Variants in NFAM1 observed in about 807,000 individuals in gnomAD.
The protein encoded by NFAM1 is NFAT activating protein with ITAM motif 1.
In NFAM1, 17 loss-of-function variants were observed where a neutral mutation model predicts 29.0. The observed-to-expected ratio is 0.59, with a 90% confidence interval of 0.40 to 0.88. The LOEUF is 0.88. Among genes scored for constraint, NFAM1 ranks in the 40% least tolerant of loss-of-function variants. The pLI is 0.00. For synonymous variants in NFAM1, 175 were observed against 147.2 expected (o/e 1.19, Z -1.36); for missense variants, 324 against 344.6 (o/e 0.94, Z 0.47).
intron 1 of NFAM1, among the ~76,000 whole-genome samples, chr22:42,416,539 C>T (rs1365127858): frequency 6.6e-6 from 1 of 152,174 alleles, no homozygotes; most frequent in Non-Finnish European, 1.5e-5. Flanking sequence ...CACAAATTTT[C>T]ACCACCAGAT....
chr22:42,426,969 G>A (rs1293828728), intron 1 of NFAM1, among the ~76,000 whole-genome samples: 1 of 152,128 alleles, frequency 6.6e-6, no homozygotes, highest in African/African-American at 2.4e-5. Flanking sequence ...GGAGGATGCT[G>A]AGCACCCAGG....
In NFAM1 at chr22:42,397,936, C is replaced by T. The variant is rs1425331434; in HGVS notation, c.585G>A (p.Gly195=). ...CTGGGCACTTCCTGGTGGGGTCCTT[C>T]CCTGGACCCCGCATCCGCTTCTGTA... ...LWNKKRMRGP[G]KDPTRKCPDP... Residue 195 remains glycine, a synonymous_variant, in exon 4 of 6, where the codon GGG becomes GGA. Transcript: ENST00000329021. The T allele has an allele frequency of 6.2e-7, 1 of 1,601,212 alleles. No individual in the cohort carries two copies. Among genetic ancestry groups the T allele is most frequent in the East Asian group, 2.2e-5 (1 of 44,720 alleles).
In NFAM1 at chr22:42,419,219, T is replaced by C. The variant is rs1930355427; in HGVS notation, c.122-7483A>G. Among the ~76,000 whole-genome samples the C allele has an allele frequency of 1.3e-5, 2 of 151,680 alleles. No individual in the cohort carries two copies. The highest frequency in any genetic ancestry group is 6.6e-5 in the Admixed American group (1 of 15,212). On this transcript the variant is annotated intron_variant, in intron 1 of 5. Transcript: ENST00000329021. The surrounding 1 kb of genome is among the most constrained non-coding windows in gnomAD (Gnocchi z 4.5). ...ACCACCTGCACAACGCCCCCATCCC[T>C]CCAACTCAACAGCTCCCATCCAGTC...
chr22:42,435,373 A>T (rs1415845240), upstream of NFAM1, among the ~76,000 whole-genome samples: 1 of 142,062 alleles, frequency 7.0e-6, no homozygotes. Context: ...TTGAGACAGA[A>T]TTTTTCTCTT....
intron 3 of NFAM1, among the ~76,000 whole-genome samples, chr22:42,404,740 A>G (rs905784858): frequency 4.0e-5 from 6 of 151,808 alleles, no homozygotes; most frequent in African/African-American, 1.5e-4. Flanking sequence ...CTGTAATCCC[A>G]GCTACTTGGG....
chr22:42,405,336 C>A (rs945118242), intron 3 of NFAM1, among the ~76,000 whole-genome samples: 1 of 152,180 alleles, frequency 6.6e-6, no homozygotes, highest in Non-Finnish European at 1.5e-5. Context: ...CTCCTGTAAG[C>A]CTGGGTGGGG....
chr22:42,428,182 C>T (rs1190370392), intron 1 of NFAM1, among the ~76,000 whole-genome samples: 1 of 152,200 alleles, frequency 6.6e-6, no homozygotes, highest in African/African-American at 2.4e-5. Flanking sequence ...TGAGCCTCTC[C>T]CGGCCCTCCT....
At chr22:42,423,936 T>C (rs1930530939) in intron 1 of NFAM1, among the ~76,000 whole-genome samples, 1 of 151,908 alleles carries the variant, frequency 6.6e-6, no homozygotes, top group Non-Finnish European at 1.5e-5. Context: ...GCCAGGCTGG[T>C]CTTGAACTCC....
upstream of NFAM1, among the ~76,000 whole-genome samples, chr22:42,433,706 T>C (rs1281550595): frequency 6.6e-6 from 1 of 152,104 alleles, no homozygotes; most frequent in Non-Finnish European, 1.5e-5. Context: ...GGAAGACATA[T>C]GAACAGGAGA....
At chr22:42,407,396 C>T (rs779476800) in intron 3 of NFAM1, among the ~76,000 whole-genome samples, 13 of 151,368 alleles carry the variant, frequency 8.6e-5, no homozygotes, top group Middle Eastern at 6.3e-3. Flanking sequence ...ATTTATTTTT[C>T]TTGAGACTGT....
At chr22:42,427,010 C>T (rs1449606513) in intron 1 of NFAM1, among the ~76,000 whole-genome samples, 2 of 152,120 alleles carry the variant, frequency 1.3e-5, no homozygotes, top group Non-Finnish European at 2.9e-5. Context: ...CAGCGTACTC[C>T]AGAGACTTGG....
Position 42,384,648 on chromosome 22 carries a change from G to A in NFAM1, c.*513C>T. The stretch of plus-strand genomic sequence containing the variant: ...GCCCCTGCTCCCACCCTGCCTGGCT[G>A]CCTCGTGCCTCTGGCCCAGCTGGGT... On this transcript the variant is annotated 3_prime_UTR_variant, in exon 6 of 6. Coordinates refer to ENST00000329021, the MANE Select transcript of NFAM1 (RefSeq NM_145912.8). 5.9e-6 allele frequency: 1 copy of A among 169,340 alleles called. No homozygotes were observed. The highest frequency in any genetic ancestry group is 1.3e-5 in the Non-Finnish European group (1 of 78,142). The allele number at this position is 169,340 out of a possible 1,614,324, so 10.5% of individuals were successfully genotyped here.
chr22:42,423,986 C>T (rs1930532752), intron 1 of NFAM1, among the ~76,000 whole-genome samples: 1 of 152,110 alleles, frequency 6.6e-6, no homozygotes, highest in African/African-American at 2.4e-5. Flanking sequence ...TCTCAAACTC[C>T]TGACCTCATG....
At chr22:42,393,388 ATTAT>A (rs962025792) in intron 4 of NFAM1, among the ~76,000 whole-genome samples, 4 of 151,816 alleles carry the variant, frequency 2.6e-5, no homozygotes, top group Non-Finnish European at 5.9e-5. Context: ...CATGAAAAAA[ATTAT>A]TTATTTATTT....
chr22:42,419,978 A>T lies in NFAM1; in HGVS notation c.122-8242T>A. Among the ~76,000 whole-genome samples the T allele has an allele frequency of 7.5e-6, 1 of 134,044 alleles. No homozygotes were observed. The highest frequency in any genetic ancestry group is 1.6e-5 in the Non-Finnish European group (1 of 63,860). The allele number at this position is 134,044 out of a possible 152,430, so 87.9% of individuals were successfully genotyped here. ...TAAGCTGGGTCCCTTTGAGTCTGTA[A>T]TCCCACTCTTGGTTTTTTTTTTTTT... On this transcript the variant is annotated intron_variant, in intron 1 of 5. Coordinates refer to ENST00000329021, the MANE Select transcript of NFAM1 (RefSeq NM_145912.8). This position sits in a 1 kb window ranked among gnomAD's most constrained non-coding sequence, Gnocchi z 4.5.
chr22:42,427,417 G>A (rs1382085684), intron 1 of NFAM1, among the ~76,000 whole-genome samples: 1 of 152,118 alleles, frequency 6.6e-6, no homozygotes, highest in Non-Finnish European at 1.5e-5. Context: ...CTGTGGCATC[G>A]CGTCTCCACC....
intron 3 of NFAM1, among the ~76,000 whole-genome samples, chr22:42,398,593 T>C (rs1313829111): frequency 6.6e-6 from 1 of 151,954 alleles, no homozygotes; most frequent in African/African-American, 2.4e-5. Context: ...TTTGTATTTT[T>C]AGTAGAGATG....
chr22:42,412,726 C>A (rs6002726), intron 1 of NFAM1, among the ~76,000 whole-genome samples: 1 of 152,208 alleles, frequency 6.6e-6, no homozygotes, highest in Non-Finnish European at 1.5e-5. Context: ...ATTCAGGCAG[C>A]GGGAGACACA....
intron 1 of NFAM1, among the ~76,000 whole-genome samples, chr22:42,425,143 G>A (rs142033732): frequency 1.6e-4 from 24 of 152,066 alleles, no homozygotes; most frequent in African/African-American, 4.8e-4. Context: ...GGCTGGTCTC[G>A]AACTCCTGAC....
Sources: allele counts gnomAD v4.1 joint callset (sites outside exome capture counted in the v4.1 genomes callset), GRCh38; gene constraint gnomAD v4.1.1; non-coding constraint Gnocchi (gnomAD v3.1); transcripts MANE v1.5; gene names NCBI Gene and HGNC (gene_info 2026-07-23, HGNC 2026-07-21).